Variants in ASH1L observed in about 807,000 individuals in gnomAD.
ASH1L encodes the protein ASH1 like histone lysine methyltransferase, also known as histone-lysine N-methyltransferase ASH1L.
ASH1L carries 23 observed loss-of-function variants against 269.0 expected under a neutral mutation model. That is an observed-to-expected ratio of 0.09 (90% confidence interval 0.06 to 0.12). ASH1L has a LOEUF of 0.12. Among genes scored for constraint, ASH1L ranks in the 10% least tolerant of loss-of-function variants. The pLI, the probability that ASH1L is intolerant of heterozygous loss-of-function variation, is 1.00. For synonymous variants in ASH1L, 1,187 were observed against 1,253.5 expected (o/e 0.95, Z 1.12); for missense variants, 2,912 against 3,567.8 (o/e 0.82, Z 4.68).
At position 155,415,907 on chromosome 1, in the gene ASH1L, C is replaced by A; in HGVS notation, c.5845G>T (p.Val1949Phe). 6.4e-7 allele frequency: 1 copy of A among 1,569,414 alleles called. No homozygotes were observed. Among genetic ancestry groups the A allele is most frequent in the South Asian group, 1.2e-5 (1 of 82,626 alleles). The part of the protein sequence containing the change: ...ENNKSFNEAP[V>F]EIPSPSETPA... ...GTTTCAGAAGGACTGGGAATCTCAA[C>A]TGGTGCTTCATTAAAGCTAGAAAGA... is the stretch of plus-strand genomic sequence containing the variant. The change falls in exon 6 of 28, where the codon GTT becomes TTT. Residue 1949 changes from valine (V) to phenylalanine (F), a missense_variant. Val to Phe is a conservative substitution (Grantham distance 50, BLOSUM62 -1). Around this residue, in one of 13 missense-constraint regions of ASH1L, gnomAD observed 789 missense variants for 897.6 expected, o/e 0.88. Transcript: ENST00000392403.
intron 1 of ASH1L, among the ~76,000 whole-genome samples, chr1:155,551,136 CTTTT>C (rs1390172127): frequency 6.6e-6 from 1 of 151,994 alleles, no homozygotes; most frequent in Non-Finnish European, 1.5e-5. Context: ...TTATTTGACT[CTTTT>C]TTTGTTTTGT....
chr1:155,550,163 G>T (rs763181963), intron 1 of ASH1L, among the ~76,000 whole-genome samples: 6 of 152,090 alleles, frequency 3.9e-5, no homozygotes, highest in Non-Finnish European at 7.4e-5. Context: ...TGCGATTACA[G>T]GTGTGCACCA....
chr1:155,343,556 C>T lies in ASH1L; in HGVS notation c.8120+48G>A, dbSNP rs1652987873. On this transcript the variant is annotated intron_variant, in intron 23 of 27. Transcript: ENST00000392403. The surrounding 1 kb of genome is among the most constrained non-coding windows in gnomAD (Gnocchi z 6.1). ...CAAGATCCTAGTGAACATTCAGCTC[C>T]ACTGGTACAGCACGGCTGGAAGAAA... 2.5e-6 allele frequency: 4 copies of T among 1,612,336 alleles called. No individual in the cohort carries two copies. Among genetic ancestry groups the T allele is most frequent in the Non-Finnish European group, 3.4e-6 (4 of 1,178,804 alleles).
chr1:155,356,867 T>C (rs973500381), intron 15 of ASH1L, among the ~76,000 whole-genome samples: 38 of 150,588 alleles, frequency 2.5e-4, no homozygotes, highest in African/African-American at 9.1e-4. Flanking sequence ...GGCAGGAGGA[T>C]AGCTTGAGCC....
intron 5 of ASH1L, among the ~76,000 whole-genome samples, chr1:155,419,692 T>C (rs953737255): frequency 6.6e-5 from 10 of 152,174 alleles, no homozygotes; most frequent in African/African-American, 1.9e-4. Context: ...TTGCCTCATA[T>C]GTACAGGTTA....
intron 2 of ASH1L, among the ~76,000 whole-genome samples, chr1:155,497,516 TCTTA>T (rs781399579): frequency 1.3e-5 from 2 of 152,214 alleles, no homozygotes; most frequent in Non-Finnish European, 2.9e-5. Context: ...TTTTCTATTC[TCTTA>T]CTTTAAGAAT....
At chr1:155,405,560 T>C (rs1178597810) in intron 6 of ASH1L, among the ~76,000 whole-genome samples, 2 of 152,012 alleles carry the variant, frequency 1.3e-5, no homozygotes, top group African/African-American at 4.8e-5. Context: ...TCGGGCATGG[T>C]CACTCATCCC....
chr1:155,350,920 T>A (rs202138468), intron 17 of ASH1L, among the ~76,000 whole-genome samples: 16 of 134,114 alleles, frequency 1.2e-4, no homozygotes, highest in Admixed American at 1.6e-4. Flanking sequence ...GACTCCGTCC[T>A]AAAAAAAAAA....
intron 5 of ASH1L, among the ~76,000 whole-genome samples, chr1:155,430,780 A>G (rs1174964284): frequency 6.6e-6 from 1 of 152,038 alleles, no homozygotes; most frequent in African/African-American, 2.4e-5. Flanking sequence ...TTGTTCTTTT[A>G]ATTTCTTATT....
intron 2 of ASH1L, among the ~76,000 whole-genome samples, chr1:155,490,216 G>A (rs969533393): frequency 2.0e-4 from 30 of 151,744 alleles, no homozygotes; most frequent in Admixed American, 7.2e-4. Context: ...TGCCCACCTC[G>A]GCCTCCCAAA....
chr1:155,484,982 G>A lies in ASH1L; in HGVS notation c.421-2533C>T, dbSNP rs1329277505. On this transcript the variant is annotated intron_variant, in intron 2 of 27. Transcript: ENST00000392403. The stretch of plus-strand genomic sequence containing the variant: ...AAAAACAAAAACCAACCAACCACCC[G>A]GTGCAGTGGCTCATGCCTGTAATCC... Among the ~76,000 whole-genome samples the A allele has an allele frequency of 2.7e-5, 4 of 147,770 alleles. No individual in the cohort carries two copies. The East Asian group carries it at 5.9e-4, about 22-fold the overall frequency.
intron 1 of ASH1L, among the ~76,000 whole-genome samples, chr1:155,554,832 G>C (rs778133310): frequency 6.6e-6 from 1 of 152,174 alleles, no homozygotes; most frequent in Non-Finnish European, 1.5e-5. Context: ...ACAAACAAAT[G>C]AATGGCTTGT....
intron 5 of ASH1L, among the ~76,000 whole-genome samples, chr1:155,424,423 T>C (rs1660967799): frequency 6.6e-6 from 1 of 152,262 alleles, no homozygotes; most frequent in South Asian, 2.1e-4. Flanking sequence ...TTTTTTTTTT[T>C]TGAGACAGAG....
intron 2 of ASH1L, among the ~76,000 whole-genome samples, chr1:155,491,359 C>T (rs1666770876): frequency 6.6e-6 from 1 of 152,120 alleles, no homozygotes; most frequent in Admixed American, 6.6e-5. Context: ...CCTCAGCCTC[C>T]CAAAGTGCTA....
chr1:155,357,562 A>G (rs747184780), intron 14 of ASH1L, 23 bp downstream of exon 14: 7 of 1,613,254 alleles, frequency 4.3e-6, no homozygotes, highest in Non-Finnish European at 5.9e-6. Flanking sequence ...GCTTTTGGGG[A>G]AAGTCATTAG....
intron 3 of ASH1L, among the ~76,000 whole-genome samples, chr1:155,470,455 TCAAAAAA>T (rs953076499): frequency 6.7e-5 from 10 of 148,956 alleles, no homozygotes; most frequent in African/African-American, 1.7e-4. Flanking sequence ...TGAGTCTGTC[TCAAAAAA>T]CAAAAAACAA....
intron 7 of ASH1L, among the ~76,000 whole-genome samples, chr1:155,382,174 C>T (rs1038117370): frequency 6.6e-6 from 1 of 150,490 alleles, no homozygotes; most frequent in African/African-American, 2.5e-5. Flanking sequence ...CCATTACACT[C>T]CAGCAGGCAA....
intron 15 of ASH1L, among the ~76,000 whole-genome samples, chr1:155,356,654 A>C (rs1014333843): frequency 8.6e-5 from 13 of 151,850 alleles, no homozygotes; most frequent in African/African-American, 2.9e-4. Flanking sequence ...AAAAAAAAAA[A>C]AAAACAACAA....
intron 6 of ASH1L, among the ~76,000 whole-genome samples, chr1:155,410,456 AC>A: frequency 6.6e-6 from 1 of 152,230 alleles, no homozygotes; most frequent in African/African-American, 2.4e-5. Context: ...GGTGCCTGCC[AC>A]TGCGCCCAGC....
Sources: allele counts gnomAD v4.1 joint callset (sites outside exome capture counted in the v4.1 genomes callset), GRCh38; gene constraint gnomAD v4.1.1; regional missense constraint gnomAD v4.1.1; non-coding constraint Gnocchi (gnomAD v3.1); transcripts MANE v1.5; gene names NCBI Gene and HGNC (gene_info 2026-07-23, HGNC 2026-07-21).